The following PARD3B variants were observed in gnomAD, a reference collection of about 807,000 sequenced individuals.
PARD3B encodes the protein partitioning defective 3 homolog B.
Under a neutral mutation model 130.2 loss-of-function variants are expected in PARD3B, and 103 were observed. The ratio of observed to expected loss-of-function variants is 0.79; its 90% confidence interval spans 0.67 to 0.93. The LOEUF (loss-of-function observed/expected upper bound fraction) is 0.93. Ranked by LOEUF, PARD3B falls within the 40% of genes least tolerant of loss-of-function variation. The pLI is 0.00. For synonymous variants in PARD3B, 583 were observed against 553.2 expected, an observed-to-expected ratio of 1.05 and a Z score of -0.76; for missense variants, 1,609 against 1,499.2, an observed-to-expected ratio of 1.07 and a Z score of -1.21.
intron 2 of PARD3B, among the ~76,000 whole-genome samples, chr2:204,938,947 G>A (rs754675217): frequency 2.6e-5 from 4 of 152,098 alleles, no homozygotes; most frequent in Non-Finnish European, 4.4e-5. Flanking sequence ...TCAATGATTT[G>A]TGATACCCAG....
intron 22 of PARD3B, among the ~76,000 whole-genome samples, chr2:205,587,378 A>G (rs1323057529): frequency 6.6e-6 from 1 of 152,222 alleles, no homozygotes; most frequent in African/African-American, 2.4e-5. Flanking sequence ...CTTAATGACC[A>G]CAATCAGCAG....
chr2:204,884,157 C>T lies in PARD3B; in HGVS notation c.223-80995C>T, dbSNP rs540766608. ...CAGAAAGATGATATCTGAGAGCCCA[C>T]ATAAACCTAGAAAACCATTGTAAAT... On this transcript the variant is annotated intron_variant, in intron 2 of 22. Coordinates refer to ENST00000406610, the MANE Select transcript of PARD3B (RefSeq NM_001302769.2). Among the ~76,000 whole-genome samples the T allele has an allele frequency of 2.0e-5, 3 of 152,244 alleles. No homozygotes were observed. In the East Asian group the frequency reaches 5.8e-4, roughly 30 times the overall value.
At position 204,944,249 on chromosome 2, in the gene PARD3B, C is replaced by T. The variant is rs143539301; in HGVS notation, c.223-20903C>T. Reference sequence around the variant, plus strand: ...TTTAAAGTGGTCCTCTGAAATGAGGCAGCTTCCACAGCTGGAGGCTCCTTG... The same window carrying T: ...TTTAAAGTGGTCCTCTGAAATGAGGTAGCTTCCACAGCTGGAGGCTCCTTG... On this transcript the variant is annotated intron_variant, in intron 2 of 22. Coordinates refer to ENST00000406610, the MANE Select transcript of PARD3B (RefSeq NM_001302769.2). 2.3e-3 allele frequency among the ~76,000 whole-genome samples: 349 copies of T among 152,310 alleles called. 2 individuals carry two copies. The highest frequency in any genetic ancestry group is 7.7e-3 in the African/African-American group (321 of 41,568).
At chr2:205,109,578 G>A (rs1344437681) in intron 5 of PARD3B, among the ~76,000 whole-genome samples, 1 of 151,150 alleles carries the variant, frequency 6.6e-6, no homozygotes, top group East Asian at 1.9e-4. Context: ...GATGTGGTAT[G>A]TGTAACATAT....
chr2:205,520,171 C>T (rs995828234), intron 21 of PARD3B, among the ~76,000 whole-genome samples: 18 of 152,106 alleles, frequency 1.2e-4, no homozygotes, highest in African/African-American at 4.3e-4. Context: ...GTTTGTGTCC[C>T]GAAGCCTCTG....
chr2:205,586,588 C>T (rs1162757445), intron 22 of PARD3B, among the ~76,000 whole-genome samples: 1 of 151,768 alleles, frequency 6.6e-6, no homozygotes, highest in Non-Finnish European at 1.5e-5. Flanking sequence ...TTATACATAG[C>T]CTTAAGATAT....
chr2:205,154,465 A>G (rs1236259460), intron 10 of PARD3B, among the ~76,000 whole-genome samples: 2 of 152,348 alleles, frequency 1.3e-5, no homozygotes, highest in Non-Finnish European at 1.5e-5. Context: ...AAACTAGTTC[A>G]AACATTGTGG....
At chr2:205,098,221 T>A (rs1428306962) in intron 4 of PARD3B, among the ~76,000 whole-genome samples, 1 of 152,198 alleles carries the variant, frequency 6.6e-6, no homozygotes, top group African/African-American at 2.4e-5. Flanking sequence ...CTAACATTCA[T>A]GTGTATTTTC....
intron 2 of PARD3B, among the ~76,000 whole-genome samples, chr2:204,736,970 G>C (rs568328743): frequency 6.6e-6 from 1 of 152,246 alleles, no homozygotes; most frequent in South Asian, 2.1e-4. Flanking sequence ...TTATTGAGAT[G>C]GAGTTTTGCC....
intron 2 of PARD3B, among the ~76,000 whole-genome samples, chr2:204,942,408 A>T (rs188578851): frequency 6.6e-6 from 1 of 152,184 alleles, no homozygotes; most frequent in African/African-American, 2.4e-5. Flanking sequence ...TTCCAGTCAG[A>T]TAAATAAACC....
chr2:205,090,023 G>T (rs951339703), intron 4 of PARD3B, among the ~76,000 whole-genome samples: 2 of 152,186 alleles, frequency 1.3e-5, no homozygotes, highest in African/African-American at 2.4e-5. Flanking sequence ...TTGTAGAGGT[G>T]CATCAACGGA....
At chr2:204,624,317 T>C (rs946976029) in intron 1 of PARD3B, among the ~76,000 whole-genome samples, 4 of 151,686 alleles carry the variant, frequency 2.6e-5, no homozygotes, top group South Asian at 4.2e-4. Flanking sequence ...AAACAAAAGA[T>C]AGGTGTTGGC....
At chr2:204,802,246 A>C (rs2042597753) in intron 2 of PARD3B, among the ~76,000 whole-genome samples, 2 of 152,228 alleles carry the variant, frequency 1.3e-5, no homozygotes, top group South Asian at 2.1e-4. Flanking sequence ...ACAAAAGCTC[A>C]TCATCAATGG....
chr2:205,049,884 G>T (rs1377898742), intron 4 of PARD3B, among the ~76,000 whole-genome samples: 1 of 152,122 alleles, frequency 6.6e-6, no homozygotes, highest in East Asian at 1.9e-4. Flanking sequence ...TGTCCTCTGT[G>T]GATGATGGAG....
Position 205,000,667 on chromosome 2 carries a change from T to C in PARD3B, c.394+35344T>C, listed in dbSNP as rs565471758. On this transcript the variant is annotated intron_variant, in intron 3 of 22. Coordinates refer to ENST00000406610, the MANE Select transcript of PARD3B (RefSeq NM_001302769.2). The stretch of plus-strand genomic sequence containing the variant: ...TGTTGATCTTTTCCATGCTCACATT[T>C]TACAGGTTCATTTTATTCAAACTTA... Among the ~76,000 whole-genome samples the C allele has an allele frequency of 2.5e-3, 375 of 152,318 alleles. 7 individuals are homozygous for C. The highest frequency in any genetic ancestry group is 4.7e-4 in the Non-Finnish European group (32 of 68,040).
intron 16 of PARD3B, among the ~76,000 whole-genome samples, chr2:205,282,554 T>G (rs1449454994): frequency 6.6e-6 from 1 of 151,324 alleles, no homozygotes; most frequent in Non-Finnish European, 1.5e-5. Flanking sequence ...AATTTCTTGC[T>G]GTTAAATTGT....
intron 3 of PARD3B, among the ~76,000 whole-genome samples, chr2:205,034,225 C>T (rs889036351): frequency 6.6e-6 from 1 of 152,122 alleles, no homozygotes; most frequent in African/African-American, 2.4e-5. Flanking sequence ...ATTTGGCATG[C>T]CTCTGTTGAG....
intron 2 of PARD3B, among the ~76,000 whole-genome samples, chr2:204,751,462 T>C (rs2040464603): frequency 1.3e-5 from 2 of 152,238 alleles, no homozygotes; most frequent in African/African-American, 4.8e-5. Context: ...CACTGCCTTT[T>C]GGGCAAAGAG....
intron 2 of PARD3B, among the ~76,000 whole-genome samples, chr2:204,881,993 C>G (rs1158804430): frequency 6.6e-6 from 1 of 152,160 alleles, no homozygotes; most frequent in African/African-American, 2.4e-5. Flanking sequence ...ACTGAAGCAT[C>G]ACTAAGACAC....
Sources: gnomAD v4.1 joint callset for allele counts (sites outside exome capture counted in the v4.1 genomes callset) on GRCh38, gnomAD v4.1.1 for gene constraint, MANE v1.5 for transcripts, NCBI Gene and HGNC (gene_info 2026-07-23, HGNC 2026-07-21) for gene names.